Variants in MEGF11 observed in about 807,000 individuals in gnomAD.
MEGF11 encodes the protein multiple EGF like domains 11.
MEGF11 carries 126 observed loss-of-function variants against 146.6 expected under a neutral mutation model. That is an observed-to-expected ratio of 0.86 (90% CI 0.74 to 1.00). The LOEUF is 1.00. MEGF11 is among the 50% of genes least tolerant of loss of function. MEGF11 has a pLI of 0.00. For synonymous variants in MEGF11, 532 were observed against 583.4 expected, an observed-to-expected ratio of 0.91 and a Z score of 1.27; for missense variants, 1,509 against 1,521.2, an observed-to-expected ratio of 0.99 and a Z score of 0.13.
At chr15:66,071,434 C>A (rs1380699573) in intron 5 of MEGF11, among the ~76,000 whole-genome samples, 1 of 152,240 alleles carries the variant, frequency 6.6e-6, no homozygotes, top group East Asian at 1.9e-4. Context: ...TGACCCATGT[C>A]AAGAGAAGTT....
At chr15:65,938,476 C>T (rs1250538795) in intron 10 of MEGF11, among the ~76,000 whole-genome samples, 3 of 152,172 alleles carry the variant, frequency 2.0e-5, no homozygotes, top group Admixed American at 2.0e-4. Context: ...CCCACCAAGG[C>T]CTAGATGCTC....
At chr15:66,025,317 G>T (rs540407252) in intron 5 of MEGF11, among the ~76,000 whole-genome samples, 11 of 152,020 alleles carry the variant, frequency 7.2e-5, no homozygotes, top group South Asian at 4.2e-4. Flanking sequence ...ATTCCTGAGT[G>T]GGGGGGCTCC....
At chr15:65,901,758 A>G (rs1200386243) in intron 24 of MEGF11, 2 of 152,180 alleles carry the variant, frequency 1.3e-5, no homozygotes, top group Non-Finnish European at 2.9e-5. Context: ...CATGTGAGGA[A>G]TAACCACTTT....
At chr15:66,252,409 G>A (rs922148616) in intron 1 of MEGF11, among the ~76,000 whole-genome samples, 1 of 152,254 alleles carries the variant, frequency 6.6e-6, no homozygotes, top group Non-Finnish European at 1.5e-5. Flanking sequence ...GCTCTTGGAG[G>A]GATGGAGAGT....
At chr15:66,047,902 G>T (rs1403197549) in intron 5 of MEGF11, among the ~76,000 whole-genome samples, 1 of 152,104 alleles carries the variant, frequency 6.6e-6, no homozygotes, top group Non-Finnish European at 1.5e-5. Context: ...GGCCTCGGGT[G>T]GAGGGGAGGC....
Position 65,913,389 on chromosome 15 carries a change from G to A in MEGF11, c.2710+348C>T, listed in dbSNP as rs1461572219. 7.9e-6 allele frequency: 3 copies of A among 381,016 alleles called. No homozygotes were observed. In the East Asian group the frequency reaches 1.5e-4, roughly 18 times the overall value. 23.6% of individuals were successfully genotyped at this position (381,016 alleles called of 1,614,324 possible). On this transcript the variant is annotated intron_variant, in intron 20 of 25. Transcript: ENST00000395614. Reference sequence around the variant, plus strand: ...CTCCAAGGTCTAGCCTCCTGAGGTGGTACAGGCATCAGGTTGGGGAGACAG... The same window carrying A: ...CTCCAAGGTCTAGCCTCCTGAGGTGATACAGGCATCAGGTTGGGGAGACAG...
At chr15:65,916,108 C>T in intron 18 of MEGF11, 40 bp downstream of exon 18, 1 of 1,548,712 alleles carries the variant, frequency 6.5e-7, no homozygotes. Flanking sequence ...AGGGTAGGGC[C>T]CAGCAGCATC....
intron 1 of MEGF11, among the ~76,000 whole-genome samples, chr15:66,166,826 C>G (rs369161252): frequency 1.3e-5 from 2 of 152,224 alleles, no homozygotes. Flanking sequence ...GGCACGCCAC[C>G]TGGCACACAG....
chr15:65,920,445 G>A (rs1224365264), intron 15 of MEGF11, among the ~76,000 whole-genome samples: 1 of 152,220 alleles, frequency 6.6e-6, no homozygotes, highest in Non-Finnish European at 1.5e-5. Context: ...TCTGTGGGGA[G>A]TAGGGTGCCA....
chr15:66,046,034 C>T (rs1345105014), intron 5 of MEGF11, among the ~76,000 whole-genome samples: 6 of 151,370 alleles, frequency 4.0e-5, no homozygotes, highest in East Asian at 1.9e-4. Flanking sequence ...ACCTGGGAGG[C>T]GGAGGTTGCA....
At chr15:65,965,877 G>C (rs2081076957) in intron 8 of MEGF11, among the ~76,000 whole-genome samples, 3 of 152,100 alleles carry the variant, frequency 2.0e-5, no homozygotes, top group Admixed American at 2.0e-4. Context: ...GTACAGTTCA[G>C]TGGCATTAAG....
At chr15:66,096,817 G>T (rs372387887) in intron 4 of MEGF11, among the ~76,000 whole-genome samples, 2 of 151,996 alleles carry the variant, frequency 1.3e-5, no homozygotes, top group Non-Finnish European at 2.9e-5. Context: ...TCTCCAAGCT[G>T]GGGGGGAACA....
chr15:66,102,433 CTT>C (rs753433380), intron 4 of MEGF11, among the ~76,000 whole-genome samples: 7 of 130,304 alleles, frequency 5.4e-5, no homozygotes, highest in South Asian at 2.4e-4. Flanking sequence ...TAAACATTTT[CTT>C]TTTTTTTTTT....
intron 5 of MEGF11, among the ~76,000 whole-genome samples, chr15:66,009,238 TAA>T (rs1567200177): frequency 1.7e-5 from 2 of 120,722 alleles, no homozygotes; most frequent in Non-Finnish European, 3.4e-5. Context: ...CACGTTAACC[TAA>T]GTTTTTTTTT....
chr15:66,150,035 C>G (rs2089506330), intron 1 of MEGF11, among the ~76,000 whole-genome samples: 1 of 151,922 alleles, frequency 6.6e-6, no homozygotes, highest in African/African-American at 2.4e-5. Context: ...AAGCGAGATG[C>G]TACATTTCAC....
intron 1 of MEGF11, among the ~76,000 whole-genome samples, chr15:66,227,885 G>T (rs943234277): frequency 6.6e-6 from 1 of 152,308 alleles, no homozygotes; most frequent in African/African-American, 2.4e-5. Context: ...GGCCCAGCCA[G>T]CCTCTGGGTG....
chr15:66,246,580 A>C (rs1437080088), intron 1 of MEGF11, among the ~76,000 whole-genome samples: 1 of 152,042 alleles, frequency 6.6e-6, no homozygotes, highest in Admixed American at 6.6e-5. Context: ...AGGTGGGTGC[A>C]TTGCTTGAGC....
intron 1 of MEGF11, among the ~76,000 whole-genome samples, chr15:66,199,683 G>A (rs1025765118): frequency 3.3e-5 from 5 of 152,182 alleles, no homozygotes; most frequent in Non-Finnish European, 7.3e-5. Context: ...CAGCTACTCG[G>A]GAGGCTGAGG....
chr15:66,025,243 T>C (rs1174337343), intron 5 of MEGF11, among the ~76,000 whole-genome samples: 2 of 152,324 alleles, frequency 1.3e-5, no homozygotes, highest in East Asian at 3.9e-4. Context: ...TCTCCTCTCC[T>C]TGCCCCCTCC....
Sources: gnomAD v4.1 joint callset for allele counts (sites outside exome capture counted in the v4.1 genomes callset) on GRCh38, gnomAD v4.1.1 for gene constraint, MANE v1.5 for transcripts, NCBI Gene and HGNC (gene_info 2026-07-23, HGNC 2026-07-21) for gene names.